The following PCSK6 variants were observed in gnomAD, a reference collection of about 807,000 sequenced individuals.
PCSK6 encodes proprotein convertase subtilisin/kexin type 6, also known as paired basic amino acid cleaving enzyme 4.
In PCSK6, 85 loss-of-function variants were observed where a neutral mutation model predicts 123.3. The ratio of observed to expected loss-of-function variants is 0.69; its 90% CI spans 0.58 to 0.83. PCSK6 has a LOEUF of 0.83. Among genes scored for constraint, PCSK6 ranks in the 40% least tolerant of loss-of-function variants. The probability of loss-of-function intolerance (pLI) is 0.00; values close to 1 mark genes in which losing one functional copy is unlikely to be tolerated. For synonymous variants in PCSK6, 508 were observed against 516.0 expected (o/e 0.98, Z 0.21); for missense variants, 1,191 against 1,282.3 (o/e 0.93, Z 1.09).
At chr15:101,323,547 A>G (rs1409613215) in intron 17 of PCSK6, among the ~76,000 whole-genome samples, 1 of 152,196 alleles carries the variant, frequency 6.6e-6, no homozygotes, top group Non-Finnish European at 1.5e-5. Flanking sequence ...CCTGACCAAC[A>G]TGGTGAAACC....
intron 6 of PCSK6, among the ~76,000 whole-genome samples, chr15:101,406,249 T>A (rs1035969882): frequency 2.6e-5 from 4 of 151,918 alleles, no homozygotes; most frequent in African/African-American, 7.3e-5. Flanking sequence ...TGCACATCAA[T>A]ACAAGTCAGC....
At chr15:101,446,958 G>A (rs1283756811) in intron 1 of PCSK6, among the ~76,000 whole-genome samples, 2 of 152,214 alleles carry the variant, frequency 1.3e-5, no homozygotes, top group African/African-American at 4.8e-5. Context: ...CAGGTCAGGA[G>A]TGTGAGGTTT....
intron 11 of PCSK6, among the ~76,000 whole-genome samples, chr15:101,374,046 G>C (rs184244195): frequency 1.1e-4 from 17 of 152,338 alleles, no homozygotes; most frequent in Admixed American, 1.1e-3. Flanking sequence ...CCTGCCTGGA[G>C]ACCGTGCGTT....
intron 1 of PCSK6, among the ~76,000 whole-genome samples, chr15:101,444,340 C>T (rs1308779667): frequency 1.3e-5 from 2 of 152,184 alleles, no homozygotes; most frequent in Admixed American, 1.3e-4. Flanking sequence ...ACCAGCTTGT[C>T]CTCACGTCTG....
chr15:101,485,116 G>A (rs905759366), intron 1 of PCSK6, among the ~76,000 whole-genome samples: 9 of 152,128 alleles, frequency 5.9e-5, no homozygotes, highest in Non-Finnish European at 1.2e-4. Flanking sequence ...CTTCCGTGTC[G>A]GGAAATCCAA....
chr15:101,447,837 G>A lies in PCSK6; in HGVS notation c.298-4177C>T, dbSNP rs76219278. Among the ~76,000 whole-genome samples, 790 of 152,258 alleles carry A rather than the reference G, an allele frequency of 5.2e-3. 17 individuals are homozygous for A. The highest frequency in any genetic ancestry group is 0.038 in the East Asian group (195 of 5,156). The stretch of plus-strand genomic sequence containing the variant: ...TCGACTACGCACCGCTTCTCCAGCC[G>A]GTGCCTGAGCAGCCCGCCTTTAGAA... On this transcript the variant is annotated intron_variant, in intron 1 of 21. Coordinates refer to ENST00000611716, the MANE Select transcript of PCSK6 (RefSeq NM_002570.5).
rs57613156 is a variant in PCSK6 at position 101,316,910 on chromosome 15, G to GTTTTTTTTTTTTTTTTTTTTTTTTTT, written c.2569+1408_2569+1409insAAAAAAAAAAAAAAAAAAAAAAAAAA. 2.6e-5 allele frequency among the ~76,000 whole-genome samples: 3 copies of GTTTTTTTTTTTTTTTTTTTTTTTTTT among 114,968 alleles called. 1 individual carries two copies. Among genetic ancestry groups the GTTTTTTTTTTTTTTTTTTTTTTTTTT allele is most frequent in the African/African-American group, 1.2e-4 (3 of 25,386 alleles). 75.4% of individuals were successfully genotyped at this position (114,968 alleles called of 152,430 possible). A position where few individuals can be genotyped will look rare whatever the true frequency, so the allele number is the denominator to read the frequency against. On this transcript the variant is annotated intron_variant, in intron 19 of 21. Transcript: ENST00000611716. ...ACTGGTTTAGCAGAGACTTAATTCT[G>GTTTTTTTTTTTTTTTTTTTTTTTTTT]TTTTTTTTTTTTTTTTTTTGACAGA...
At chr15:101,428,012 C>T in intron 5 of PCSK6, 32 bp from the exon 6 acceptor site, 1 of 1,530,568 alleles carries the variant, frequency 6.5e-7, no homozygotes, top group Non-Finnish European at 8.9e-7. Flanking sequence ...AGTGAGGACG[C>T]AGCCCAGCAA....
chr15:101,424,624 GGCA>G (rs201887174), intron 6 of PCSK6, among the ~76,000 whole-genome samples: 20,590 of 152,084 alleles, frequency 0.14, 1,632 homozygotes, highest in African/African-American at 0.2. Context: ...ATGGTACACA[GGCA>G]GGTAAATGTA....
intron 19 of PCSK6, among the ~76,000 whole-genome samples, chr15:101,315,024 C>T (rs557626096): frequency 1.5e-4 from 23 of 152,318 alleles, no homozygotes; most frequent in Non-Finnish European, 2.5e-4. Flanking sequence ...GTACCTCTCA[C>T]GCCTCACCTG....
chr15:101,326,590 C>A, intron 15 of PCSK6, 111 bp from the exon 16 acceptor site: 1 of 1,057,130 alleles, frequency 9.5e-7, no homozygotes, highest in South Asian at 1.5e-5. Context: ...GGGAGACGCT[C>A]CCAGGCCCCG....
chr15:101,478,404 C>A (rs1050896870), intron 1 of PCSK6, among the ~76,000 whole-genome samples: 5 of 152,134 alleles, frequency 3.3e-5, no homozygotes, highest in African/African-American at 1.2e-4. Flanking sequence ...TGAGTACAGG[C>A]ACGAGCCAGA....
At chr15:101,423,877 A>T (rs1184043087) in intron 6 of PCSK6, among the ~76,000 whole-genome samples, 1 of 152,212 alleles carries the variant, frequency 6.6e-6, no homozygotes, top group East Asian at 1.9e-4. Flanking sequence ...TACATAAAAG[A>T]ATGTTAGAGC....
rs1346463786 is a variant in PCSK6 at position 101,305,960 on chromosome 15, G to C, written c.2813-605C>G. On this transcript the variant is annotated intron_variant, in intron 21 of 21. Coordinates refer to ENST00000611716, the MANE Select transcript of PCSK6 (RefSeq NM_002570.5). The surrounding 1 kb of genome is among the most constrained non-coding windows in gnomAD (Gnocchi z 4.8). ...CAGGATGTGGGGGTGGTGTGGGAGG[G>C]ATCTCAGGAGAACACCCAGCCTGGG... is the stretch of plus-strand genomic sequence containing the variant. Among the ~76,000 whole-genome samples the C allele has an allele frequency of 6.6e-6, 1 of 152,062 alleles. No individual in the cohort carries two copies.
At chr15:101,349,184 C>T (rs117414536) in intron 13 of PCSK6, among the ~76,000 whole-genome samples, 2,405 of 152,198 alleles carry the variant, frequency 0.016, 25 homozygotes, top group Middle Eastern at 0.045. Flanking sequence ...GGCTCTGCCC[C>T]GGGGGCCTGC....
At chr15:101,314,034 C>A (rs1463301663) in intron 19 of PCSK6, among the ~76,000 whole-genome samples, 2 of 152,170 alleles carry the variant, frequency 1.3e-5, no homozygotes, top group Non-Finnish European at 2.9e-5. Context: ...TGTGGCCCTT[C>A]CATTGCACAG....
At chr15:101,426,796 C>G (rs12593619) in intron 6 of PCSK6, among the ~76,000 whole-genome samples, 51 of 85,422 alleles carry the variant, frequency 6.0e-4, no homozygotes, top group African/African-American at 1.8e-3. Context: ...GTGGCTGCAG[C>G]CACCCTCACC....
At chr15:101,357,217 CGTGT>C (rs747619357) in intron 13 of PCSK6, among the ~76,000 whole-genome samples, 1 of 152,156 alleles carries the variant, frequency 6.6e-6, no homozygotes, top group Admixed American at 6.6e-5. Context: ...CTGGTCTACG[CGTGT>C]GTGTGTGCTG....
chr15:101,401,861 T>C (rs1236032084), intron 6 of PCSK6, among the ~76,000 whole-genome samples: 1 of 152,076 alleles, frequency 6.6e-6, no homozygotes, highest in Non-Finnish European at 1.5e-5. Flanking sequence ...AATTTATAGA[T>C]TCAATGCCAT....
Sources: allele counts gnomAD v4.1 joint callset (sites outside exome capture counted in the v4.1 genomes callset), GRCh38; gene constraint gnomAD v4.1.1; non-coding constraint Gnocchi (gnomAD v3.1); transcripts MANE v1.5; gene names NCBI Gene and HGNC (gene_info 2026-07-23, HGNC 2026-07-21).